The following CHCHD3 variants were observed in gnomAD, a reference collection of about 807,000 sequenced individuals.
The protein encoded by CHCHD3 is coiled-coil-helix-coiled-coil-helix domain containing 3, also known as MICOS complex subunit MIC19.
A neutral mutation model predicts 38.2 loss-of-function variants in CHCHD3; 20 were observed. The observed-to-expected ratio is 0.52, with a 90% confidence interval of 0.37 to 0.76. CHCHD3 has a LOEUF of 0.76. CHCHD3 is among the 30% of genes least tolerant of loss of function. The pLI, the probability that CHCHD3 is intolerant of heterozygous loss-of-function variation, is 0.00. For synonymous variants in CHCHD3, 82 were observed against 100.0 expected, an observed-to-expected ratio of 0.82 and a Z score of 1.07; for missense variants, 245 against 279.2, an observed-to-expected ratio of 0.88 and a Z score of 0.87.
At chr7:132,936,394 C>G (rs1033765916) in intron 4 of CHCHD3, among the ~76,000 whole-genome samples, 1 of 152,124 alleles carries the variant, frequency 6.6e-6, no homozygotes, top group Non-Finnish European at 1.5e-5. Flanking sequence ...CTTGCGGTTG[C>G]AAAAGGGCAA....
chr7:132,984,970 T>C (rs1584620913), intron 3 of CHCHD3, among the ~76,000 whole-genome samples: 1 of 55,800 alleles, frequency 1.8e-5, no homozygotes, highest in Non-Finnish European at 3.5e-5. Context: ...CGGCCGCCCC[T>C]ACTGGGAAGT....
At chr7:132,938,237 T>C (rs1187304216) in intron 4 of CHCHD3, among the ~76,000 whole-genome samples, 2 of 152,186 alleles carry the variant, frequency 1.3e-5, no homozygotes, top group African/African-American at 4.8e-5. Flanking sequence ...TGTTGTGTGG[T>C]ACATATTGTA....
At chr7:132,898,158 G>A (rs1469261223) in intron 4 of CHCHD3, among the ~76,000 whole-genome samples, 1 of 152,188 alleles carries the variant, frequency 6.6e-6, no homozygotes, top group Non-Finnish European at 1.5e-5. Flanking sequence ...GACCCAAAGA[G>A]TGAGCAGTAG....
chr7:132,819,781 CA>C (rs926024639), intron 6 of CHCHD3, among the ~76,000 whole-genome samples: 1 of 152,170 alleles, frequency 6.6e-6, no homozygotes, highest in Non-Finnish European at 1.5e-5. Flanking sequence ...CAGGTCCTAA[CA>C]AAAGGCTGAG....
chr7:132,931,560 T>C (rs1810516066), intron 4 of CHCHD3, among the ~76,000 whole-genome samples: 1 of 152,210 alleles, frequency 6.6e-6, no homozygotes, highest in Non-Finnish European at 1.5e-5. Context: ...GATTTTAAAA[T>C]GCAGTACTTT....
At chr7:132,799,987 G>C (rs1806747001) in intron 6 of CHCHD3, among the ~76,000 whole-genome samples, 1 of 152,024 alleles carries the variant, frequency 6.6e-6, no homozygotes, top group Non-Finnish European at 1.5e-5. Flanking sequence ...CCAAAGATTT[G>C]ACCCCAGAAC....
rs937822599 is a variant in CHCHD3, at chr7:132,835,526, A to G, written c.524+2873T>C. Among the ~76,000 whole-genome samples the G allele has an allele frequency of 4.6e-5, 7 of 152,210 alleles. No individual in the cohort carries two copies. In the South Asian group the frequency reaches 6.2e-4, roughly 14 times the overall value. On this transcript the variant is annotated intron_variant, in intron 6 of 7. Coordinates refer to ENST00000262570, the MANE Select transcript of CHCHD3 (RefSeq NM_017812.4). ...CAGGAGGTCAGCCATCATGATGTCAACGTTGTGCTTCCCGTGGCCTCTCGC... is the reference window on the plus strand; with the variant it reads ...CAGGAGGTCAGCCATCATGATGTCAGCGTTGTGCTTCCCGTGGCCTCTCGC...
At chr7:132,963,652 T>A (rs752538937) in intron 4 of CHCHD3, among the ~76,000 whole-genome samples, 16 of 150,792 alleles carry the variant, frequency 1.1e-4, no homozygotes, top group South Asian at 2.1e-4. Flanking sequence ...AATTGTAATT[T>A]CCTAGTGTCT....
intron 6 of CHCHD3, among the ~76,000 whole-genome samples, chr7:132,824,021 G>A (rs1807446107): frequency 6.6e-6 from 1 of 152,018 alleles, no homozygotes; most frequent in East Asian, 1.9e-4. Flanking sequence ...TCTTTACTAT[G>A]TTCCGTCCTT....
intron 5 of CHCHD3, chr7:132,847,346 G>T (rs980420482): frequency 3.3e-5 from 5 of 152,228 alleles, no homozygotes; most frequent in Admixed American, 2.6e-4. Context: ...ACCTGCCACA[G>T]AGAGCTGAGG....
At chr7:133,006,483 AT>A (rs1812703484) in intron 3 of CHCHD3, among the ~76,000 whole-genome samples, 1 of 126,446 alleles carries the variant, frequency 7.9e-6, no homozygotes, top group African/African-American at 2.8e-5. Context: ...AAATAAATAA[AT>A]AAATAAATAA....
chr7:132,833,534 T>C (rs1651954137), intron 6 of CHCHD3, among the ~76,000 whole-genome samples: 1 of 152,212 alleles, frequency 6.6e-6, no homozygotes, highest in South Asian at 2.1e-4. Flanking sequence ...AAAAAGTTTG[T>C]CTTCCTTTTG....
At chr7:132,853,088 C>T (rs1001820569) in intron 5 of CHCHD3, among the ~76,000 whole-genome samples, 24 of 152,118 alleles carry the variant, frequency 1.6e-4, no homozygotes, top group Non-Finnish European at 1.0e-4. Flanking sequence ...ACAGAAAATA[C>T]GCACCTCTCA....
chr7:133,008,178 T>A (rs1812754290), intron 3 of CHCHD3, among the ~76,000 whole-genome samples: 1 of 152,144 alleles, frequency 6.6e-6, no homozygotes, highest in Non-Finnish European at 1.5e-5. Flanking sequence ...CCCCACACTG[T>A]GAAAAGCAAT....
At chr7:132,900,961 A>G (rs558971365) in intron 4 of CHCHD3, among the ~76,000 whole-genome samples, 1 of 152,340 alleles carries the variant, frequency 6.6e-6, no homozygotes, top group Non-Finnish European at 1.5e-5. Context: ...ACTGAACTCC[A>G]GCCTGGGCGA....
intron 2 of CHCHD3, 43 bp downstream of exon 2, chr7:133,070,099 T>C (rs748874899): frequency 2.0e-6 from 3 of 1,473,294 alleles, no homozygotes; most frequent in Non-Finnish European, 2.8e-6. Context: ...TTTCCACTTA[T>C]AATTTATCTC....
chr7:132,839,455 G>A (rs78688534), intron 5 of CHCHD3, among the ~76,000 whole-genome samples: 4,722 of 152,128 alleles, frequency 0.031, 95 homozygotes, highest in Middle Eastern at 0.071. Context: ...CTTATTGCAG[G>A]AGATGGCCTA....
At chr7:132,979,200 G>C (rs1224581689) in intron 3 of CHCHD3, among the ~76,000 whole-genome samples, 1 of 152,066 alleles carries the variant, frequency 6.6e-6, no homozygotes, top group Non-Finnish European at 1.5e-5. Flanking sequence ...TCTTGAAAAA[G>C]GTGGTGGCAG....
At chr7:132,995,461 T>A (rs756904362) in intron 3 of CHCHD3, among the ~76,000 whole-genome samples, 1 of 152,212 alleles carries the variant, frequency 6.6e-6, no homozygotes, top group Non-Finnish European at 1.5e-5. Flanking sequence ...CTATGCTGTA[T>A]CCTCACTTGA....
Sources: gnomAD v4.1 joint callset for allele counts (sites outside exome capture counted in the v4.1 genomes callset) on GRCh38, gnomAD v4.1.1 for gene constraint, MANE v1.5 for transcripts, NCBI Gene and HGNC (gene_info 2026-07-23, HGNC 2026-07-21) for gene names.